MMP14: variants seen among roughly 807,000 people sequenced by gnomAD.
MMP14 encodes matrix metallopeptidase 14.
In MMP14, 13 loss-of-function variants were observed where a neutral mutation model predicts 64.8. The observed-to-expected ratio is 0.20, with a 90% confidence interval of 0.13 to 0.32. MMP14 has a LOEUF of 0.32. Among genes scored for constraint, MMP14 ranks in the 10% least tolerant of loss-of-function variants. MMP14 has a pLI of 1.00. For synonymous variants in MMP14, 322 were observed against 315.9 expected (o/e 1.02, Z -0.20); for missense variants, 594 against 783.8 (o/e 0.76, Z 2.89).
chr14:22,846,131 TC>T lies in MMP14; in HGVS notation c.*95del, dbSNP rs1258275514. 3 of 1,239,180 alleles carry T rather than the reference TC, an allele frequency of 2.4e-6. No individual in the cohort carries two copies. The highest frequency in any genetic ancestry group is 2.2e-6 in the Non-Finnish European group (2 of 921,494). The allele number at this position is 1,239,180 out of a possible 1,614,324, so 76.8% of individuals were successfully genotyped here. A position where few individuals can be genotyped will look rare whatever the true frequency, so the allele number is the denominator to read the frequency against. On this transcript the variant is annotated 3_prime_UTR_variant, in exon 10 of 10. Transcript: ENST00000311852. ...GGTGGTGGGTGGGCTGTTCCCATCG[TC>T]CCGAGCCCCCTCCCCGCAGCCTCCT...
At chr14:22,845,151 C>A in intron 8 of MMP14, 100 bp from the exon 9 acceptor site, 1 of 847,732 alleles carries the variant, frequency 1.2e-6, no homozygotes, top group South Asian at 1.5e-5. Context: ...CCCACCCTGT[C>A]CACAGCTATC....
chr14:22,844,545 G>A (rs2039798104), intron 7 of MMP14, 36 bp downstream of exon 7: 1 of 1,613,812 alleles, frequency 6.2e-7, no homozygotes, highest in Non-Finnish European at 8.5e-7. Context: ...TTGGGAGTGA[G>A]GCGGGTCTCC....
Position 22,842,524 on chromosome 14 carries a change from C to G in MMP14, c.495C>G (p.Ala165=). Residue 165 remains alanine, a synonymous_variant, in exon 4 of 10, where the codon GCC becomes GCG. Transcript: ENST00000311852. This position sits in a 1 kb window ranked among gnomAD's most constrained non-coding sequence, Gnocchi z 5.3. Reference sequence around the variant, plus strand: ...TGCGCTTCCGCGAGGTGCCCTATGCCTACATCCGTGAGGGCCATGAGAAGC... The same window carrying G: ...TGCGCTTCCGCGAGGTGCCCTATGCGTACATCCGTGAGGGCCATGAGAAGC... The part of the protein sequence containing the change: ...TPLRFREVPY[A]YIREGHEKQA... The G allele has an allele frequency of 6.2e-7, 1 of 1,614,156 alleles. No homozygotes were observed. The highest frequency in any genetic ancestry group is 8.5e-7 in the Non-Finnish European group (1 of 1,180,008).
chr14:22,839,961 A>ATTTTTTTT (rs2039761354), intron 1 of MMP14, among the ~76,000 whole-genome samples: 1 of 123,702 alleles, frequency 8.1e-6, no homozygotes, highest in African/African-American at 3.3e-5. Context: ...GGCTTGTTTT[A>ATTTTTTTT]CTTTTTTTTT....
chr14:22,844,253 A>G (rs1177055034), intron 6 of MMP14, 118 bp from the exon 7 acceptor site: 20 of 1,443,934 alleles, frequency 1.4e-5, no homozygotes, highest in Non-Finnish European at 1.8e-5. Flanking sequence ...GGAAGTGACA[A>G]CAGCTGGACT....
Position 22,843,557 on chromosome 14 carries a change from G to C in MMP14, c.850+139G>C, listed in dbSNP as rs562467522. 9.4e-6 allele frequency: 13 copies of C among 1,388,786 alleles called. No individual in the cohort carries two copies. In the Admixed American group the frequency reaches 1.1e-4, roughly 12 times the overall value. 86.0% of individuals were successfully genotyped at this position (1,388,786 alleles called of 1,614,324 possible). A position where few individuals can be genotyped will look rare whatever the true frequency, so the allele number is the denominator to read the frequency against. On this transcript the variant is annotated intron_variant, in intron 5 of 9. Coordinates refer to ENST00000311852, the MANE Select transcript of MMP14 (RefSeq NM_004995.4). The surrounding 1 kb of genome is among the most constrained non-coding windows in gnomAD (Gnocchi z 4.8). ...CCCTGCCTCTATCAGCTCCACTTTT[G>C]AGCCCATCTTTTGTGTCGCCTCCCA...
At position 22,841,967 on chromosome 14, in the gene MMP14, G is replaced by C. The variant is rs768632889; in HGVS notation, c.312G>C (p.Lys104Asn). The C allele has an allele frequency of 6.2e-7, 1 of 1,614,240 alleles. No homozygotes were observed. The highest frequency in any genetic ancestry group is 1.1e-5 in the South Asian group (1 of 91,090). Residue 104 changes from lysine (K) to asparagine (N), a missense_variant, in exon 3 of 10, where the codon AAG (lysine) becomes AAC (asparagine). Physicochemically the swap from Lys to Asn is moderately conservative, Grantham distance 94. This residue lies in a region of MMP14 where 179 missense variants were observed against 283.4 expected (regional missense o/e 0.63). Transcript: ENST00000311852. ...GVPDKFGAEI[K>N]ANVRRKRYAI... ...CAGACAAGTTTGGGGCTGAGATCAA[G>C]GCCAATGTTCGAAGGAAGCGCTACG...
chr14:22,845,947 C>G lies in MMP14; in HGVS notation c.1657C>G (p.Leu553Val). The change falls in exon 10 of 10, where the codon CTG becomes GTG. Residue 553 changes from leucine (L) to valine (V), a missense_variant. Physicochemically the swap from Leu to Val is conservative, Grantham distance 32. This residue lies in a region of MMP14 where 364 missense variants were observed against 425.2 expected (regional missense o/e 0.86). Transcript: ENST00000311852. ...VLPVLLLLLVLAVGLAVFFFR... is the reference protein window; with the variant it reads ...VLPVLLLLLVVAVGLAVFFFR... Reference sequence around the variant, plus strand: ...GCCCGTGCTGCTGCTGCTCCTGGTGCTGGCGGTGGGCCTTGCAGTCTTCTT... The same window carrying G: ...GCCCGTGCTGCTGCTGCTCCTGGTGGTGGCGGTGGGCCTTGCAGTCTTCTT... 1 of 1,593,896 alleles carries G rather than the reference C, an allele frequency of 6.3e-7. No individual in the cohort carries two copies. The highest frequency in any genetic ancestry group is 1.1e-5 in the South Asian group (1 of 89,442).
In MMP14 at chr14:22,836,908, A is replaced by T. The variant is rs982803572; in HGVS notation, c.91A>T (p.Ser31Cys). The stretch of plus-strand genomic sequence containing the variant: ...CGCCTCCCTCGGCTCGGCCCAAAGC[A>T]GCAGCTTCAGCCCCGAAGTAAGTGA... ...ALASLGSAQS[S>C]SFSPEAWLQQ... Residue 31 changes from serine (S) to cysteine (C), a missense_variant, in exon 1 of 10, where the codon AGC becomes TGC. Ser to Cys is a moderately radical substitution (Grantham distance 112). Transcript: ENST00000311852. 18 of 1,613,232 alleles carry T rather than the reference A, an allele frequency of 1.1e-5. No homozygotes were observed. Among genetic ancestry groups the T allele is most frequent in the Non-Finnish European group, 1.4e-5 (17 of 1,179,648 alleles).
In MMP14 at chr14:22,842,428, C is replaced by T. The variant is rs2039779538; in HGVS notation, c.399C>T (p.Pro133=). The T allele has an allele frequency of 6.2e-7, 1 of 1,612,924 alleles. No individual in the cohort carries two copies. Among genetic ancestry groups the T allele is most frequent in the African/African-American group, 1.3e-5 (1 of 75,042 alleles). ...ACCTCAGCATCCAGAATTACACCCC[C>T]AAGGTGGGCGAGTATGCCACATACG... The part of the protein sequence containing the change: ...EITFCIQNYT[P]KVGEYATYEA... Residue 133 remains proline (P), a synonymous_variant, in exon 4 of 10, where the codon CCC becomes CCT. Coordinates refer to ENST00000311852, the MANE Select transcript of MMP14 (RefSeq NM_004995.4). The surrounding 1 kb of genome is among the most constrained non-coding windows in gnomAD (Gnocchi z 5.3).
Position 22,836,899 on chromosome 14 carries a change from G to A in MMP14, c.82G>A (p.Ala28Thr), listed in dbSNP as rs770957406. 2.5e-6 allele frequency: 4 copies of A among 1,613,648 alleles called. No homozygotes were observed. The highest frequency in any genetic ancestry group is 3.4e-6 in the Non-Finnish European group (4 of 1,179,786). Residue 28 changes from alanine (A) to threonine (T), a missense_variant, in exon 1 of 10, where the codon GCC becomes ACC. By Grantham distance (58) the Ala-to-Thr change is moderately conservative (BLOSUM62 0). Coordinates refer to ENST00000311852, the MANE Select transcript of MMP14 (RefSeq NM_004995.4). ...CACCGCGCTCGCCTCCCTCGGCTCG[G>A]CCCAAAGCAGCAGCTTCAGCCCCGA... ...LGTALASLGS[A>T]QSSSFSPEAW...
At chr14:22,845,505 G>A in intron 9 of MMP14, 139 bp downstream of exon 9, 1 of 833,938 alleles carries the variant, frequency 1.2e-6, no homozygotes. Context: ...TGGGCTAGGT[G>A]CTTCCACACG....
At position 22,843,529 on chromosome 14, in the gene MMP14, T is replaced by A. The variant is rs1172713729; in HGVS notation, c.850+111T>A. 1 of 1,423,902 alleles carries A rather than the reference T, an allele frequency of 7.0e-7. No homozygotes were observed. Among genetic ancestry groups the A allele is most frequent in the African/African-American group, 1.4e-5 (1 of 70,312 alleles). The allele number at this position is 1,423,902 out of a possible 1,614,324, so 88.2% of individuals were successfully genotyped here. A position where few individuals can be genotyped will look rare whatever the true frequency, so the allele number is the denominator to read the frequency against. On this transcript the variant is annotated intron_variant, in intron 5 of 9. Coordinates refer to ENST00000311852, the MANE Select transcript of MMP14 (RefSeq NM_004995.4). The surrounding 1 kb of genome is among the most constrained non-coding windows in gnomAD (Gnocchi z 4.8). ...GTCTCCGCACCGCCCCCTGCCAACC[T>A]GCCCCTGCCTCTATCAGCTCCACTT... is the stretch of plus-strand genomic sequence containing the variant.
In MMP14 at chr14:22,841,749, C is replaced by T. The variant is rs2039774517; in HGVS notation, c.257+110C>T. 1.9e-6 allele frequency: 3 copies of T among 1,550,220 alleles called. No individual in the cohort carries two copies. In the African/African-American group the frequency reaches 4.0e-5, roughly 21 times the overall value. ...TTGTGCACCCCACTCCCCCATATCT[C>T]ATCCCCACGTGCTGATCCTGACCCT... On this transcript the variant is annotated intron_variant, in intron 2 of 9. Transcript: ENST00000311852.
chr14:22,844,216 G>A (rs1349162569), intron 6 of MMP14, among the ~76,000 whole-genome samples, 155 bp from the exon 7 acceptor site: 1 of 151,838 alleles, frequency 6.6e-6, no homozygotes, highest in Non-Finnish European at 1.5e-5. Context: ...AAAGGCGGGG[G>A]GGTACTCTGT....
rs1260672548 is a variant in MMP14, at chr14:22,847,029, A to T, written c.*990A>T. 1 of 152,822 alleles carries T rather than the reference A, an allele frequency of 6.5e-6. No homozygotes were observed. The highest frequency in any genetic ancestry group is 1.9e-4 in the East Asian group (1 of 5,210). 9.5% of individuals were successfully genotyped at this position (152,822 alleles called of 1,614,324 possible). On this transcript the variant is annotated 3_prime_UTR_variant, in exon 10 of 10. Transcript: ENST00000311852. ...GGCTGGGGCCGGGCAGGCCAGGCCAAGCCAAGCAGGGGGCCACAGGGTGGG... is the reference window on the plus strand; with the variant it reads ...GGCTGGGGCCGGGCAGGCCAGGCCATGCCAAGCAGGGGGCCACAGGGTGGG...
chr14:22,840,351 G>A (rs1015463754), intron 1 of MMP14, among the ~76,000 whole-genome samples: 1 of 152,206 alleles, frequency 6.6e-6, no homozygotes, highest in African/African-American at 2.4e-5. Context: ...GGGCTTTGCA[G>A]TGTGTGTACC....
In MMP14 at chr14:22,836,848, C is replaced by T; in HGVS notation, c.31C>T (p.Leu11Phe). 1.2e-6 allele frequency: 2 copies of T among 1,613,230 alleles called. No homozygotes were observed. The highest frequency in any genetic ancestry group is 1.1e-5 in the South Asian group (1 of 91,002). Residue 11 changes from leucine (L) to phenylalanine (F), a missense_variant, in exon 1 of 10, where the codon CTC becomes TTC. By Grantham distance (22) the Leu-to-Phe change is conservative. Transcript: ENST00000311852. MSPAPRPPRC[L>F]LLPLLTLGTA... The stretch of plus-strand genomic sequence containing the variant: ...TCCCGCCCCAAGACCCCCCCGTTGT[C>T]TCCTGCTCCCCCTGCTCACGCTCGG...
At chr14:22,845,206 G>T in intron 8 of MMP14, 45 bp from the exon 9 acceptor site, 1 of 1,446,722 alleles carries the variant, frequency 6.9e-7, no homozygotes, top group South Asian at 1.2e-5. Flanking sequence ...GCCTCCTGAG[G>T]ACATGCCCAG....
Sources: gnomAD v4.1 joint callset for allele counts (sites outside exome capture counted in the v4.1 genomes callset) on GRCh38, gnomAD v4.1.1 for gene constraint, gnomAD v4.1.1 regional missense constraint, Gnocchi (gnomAD v3.1) non-coding constraint, MANE v1.5 for transcripts, NCBI Gene and HGNC (gene_info 2026-07-23, HGNC 2026-07-21) for gene names.